FAM13C: variants seen among roughly 807,000 people sequenced by gnomAD.
FAM13C encodes protein FAM13C.
FAM13C carries 37 observed loss-of-function variants against 73.2 expected under a neutral mutation model. The observed-to-expected ratio is 0.51, with a 90% CI of 0.39 to 0.67. The LOEUF (loss-of-function observed/expected upper bound fraction) is 0.67, where lower values mean the gene tolerates loss of function less well. FAM13C is among the 30% of genes least tolerant of loss of function. The pLI is 0.00. For synonymous variants in FAM13C, 246 were observed against 260.9 expected (o/e 0.94, Z 0.55); for missense variants, 589 against 715.6 (o/e 0.82, Z 2.02).
chr10:59,338,566 C>T lies in FAM13C; in HGVS notation c.324+13704G>A, dbSNP rs994590556. Among the ~76,000 whole-genome samples the T allele has an allele frequency of 3.9e-5, 6 of 152,284 alleles. No homozygotes were observed. In the South Asian group the frequency reaches 6.2e-4, roughly 16 times the overall value. ...ATTTATGATTTTGAGAAAGTCAGGC[C>T]GTAAGATCATATGTTCTACCTGGTT... is the stretch of plus-strand genomic sequence containing the variant. On this transcript the variant is annotated intron_variant, in intron 3 of 13. Coordinates refer to ENST00000618804, the MANE Select transcript of FAM13C (RefSeq NM_198215.4).
At chr10:59,362,722 C>G (rs1378615647), upstream of FAM13C, 3 of 638,002 alleles carry the variant, frequency 4.7e-6, no homozygotes, top group Non-Finnish European at 7.6e-6. Flanking sequence ...CGGGATCCAG[C>G]GAGGAGCACC....
At chr10:59,259,711 A>T (rs922828965) in intron 10 of FAM13C, among the ~76,000 whole-genome samples, 2 of 152,194 alleles carry the variant, frequency 1.3e-5, no homozygotes, top group African/African-American at 4.8e-5. Flanking sequence ...AAACAAAATA[A>T]TAGATACTTC....
At position 59,312,489 on chromosome 10, in the gene FAM13C, A is replaced by G. The variant is rs73300158; in HGVS notation, c.444-9625T>C. On this transcript the variant is annotated intron_variant, in intron 4 of 13. Coordinates refer to ENST00000618804, the MANE Select transcript of FAM13C (RefSeq NM_198215.4). The stretch of plus-strand genomic sequence containing the variant: ...TGTACCCCTGAGTACAACACACTAC[A>G]GTATAGTGTACAACACACAGTACCC... 9.4e-3 allele frequency among the ~76,000 whole-genome samples: 1,434 copies of G among 152,272 alleles called. 24 individuals are homozygous for G. Among genetic ancestry groups the G allele is most frequent in the African/African-American group, 0.033 (1,379 of 41,554 alleles).
chr10:59,358,386 A>T (rs922660947), intron 1 of FAM13C, among the ~76,000 whole-genome samples: 7 of 152,192 alleles, frequency 4.6e-5, no homozygotes, highest in African/African-American at 1.4e-4. Flanking sequence ...TCATAAAAAA[A>T]AATGCTGCTT....
At chr10:59,345,181 C>T (rs1854135347) in intron 3 of FAM13C, among the ~76,000 whole-genome samples, 1 of 152,102 alleles carries the variant, frequency 6.6e-6, no homozygotes, top group African/African-American at 2.4e-5. Context: ...CAGTCCTTGC[C>T]ATCCTCCATT....
chr10:59,344,570 T>A (rs1854043686), intron 3 of FAM13C, among the ~76,000 whole-genome samples: 1 of 151,898 alleles, frequency 6.6e-6, no homozygotes, highest in East Asian at 1.9e-4. Flanking sequence ...GCTTGAGCCA[T>A]CACGCCCGGC....
Position 59,270,013 on chromosome 10 carries a change from G to C in FAM13C, c.689C>G (p.Thr230Ser), listed in dbSNP as rs1843524085. The C allele has an allele frequency of 6.2e-7, 1 of 1,613,876 alleles. No homozygotes were observed. Among genetic ancestry groups the C allele is most frequent in the Non-Finnish European group, 8.5e-7 (1 of 1,179,916 alleles). Residue 230 changes from threonine (T) to serine (S), a missense_variant, in exon 7 of 14, where the codon ACT becomes AGT. Transcript: ENST00000618804. ...CGACAGCAGTGGGTTATCACCATCA[G>C]TGATGTGATAGAGCAGCCTGCTGGT... ...VGTSRLLYHI[T>S]DGDNPLLSPR...
At chr10:59,341,968 T>C (rs1853577980) in intron 3 of FAM13C, among the ~76,000 whole-genome samples, 1 of 152,212 alleles carries the variant, frequency 6.6e-6, no homozygotes, top group Admixed American at 6.5e-5. Flanking sequence ...CACAGTGTTC[T>C]GGCTGACTGC....
At chr10:59,265,335 G>GGGAA (rs78422182) in intron 8 of FAM13C, among the ~76,000 whole-genome samples, 2 of 16,060 alleles carry the variant, frequency 1.2e-4, no homozygotes. Context: ...GGGGGGGGGG[G>GGGAA]AATCCTGGTT....
intron 5 of FAM13C, among the ~76,000 whole-genome samples, chr10:59,298,307 A>C (rs1847159528): frequency 6.6e-6 from 1 of 152,230 alleles, no homozygotes; most frequent in South Asian, 2.1e-4. Context: ...GACCTTACCT[A>C]TATGGCCTTG....
intron 4 of FAM13C, among the ~76,000 whole-genome samples, chr10:59,313,456 A>G (rs758032041): frequency 7.9e-5 from 12 of 152,154 alleles, no homozygotes; most frequent in Non-Finnish European, 1.6e-4. Context: ...CACTTTCTTG[A>G]TCCCCACTTT....
intron 4 of FAM13C, among the ~76,000 whole-genome samples, chr10:59,310,455 A>C (rs1372130400): frequency 6.6e-6 from 1 of 152,210 alleles, no homozygotes; most frequent in Non-Finnish European, 1.5e-5. Flanking sequence ...CAGTAAATAG[A>C]AAGTTCCTTT....
At chr10:59,312,731 A>T (rs1176533210) in intron 4 of FAM13C, among the ~76,000 whole-genome samples, 1 of 152,196 alleles carries the variant, frequency 6.6e-6, no homozygotes, top group African/African-American at 2.4e-5. Context: ...ACTTGACACA[A>T]GATGAACAGA....
chr10:59,256,129 A>G (rs1841925453), intron 10 of FAM13C, among the ~76,000 whole-genome samples: 1 of 152,112 alleles, frequency 6.6e-6, no homozygotes, highest in South Asian at 2.1e-4. Context: ...TTCTTATTAC[A>G]TCTTTCCATG....
chr10:59,271,386 T>C (rs1178747914), intron 6 of FAM13C, among the ~76,000 whole-genome samples: 1 of 152,228 alleles, frequency 6.6e-6, no homozygotes, highest in African/African-American at 2.4e-5. Context: ...GGTCCTCCTG[T>C]GTTTTCAGCT....
intron 10 of FAM13C, among the ~76,000 whole-genome samples, chr10:59,258,085 T>C (rs1228922013): frequency 6.6e-6 from 1 of 152,162 alleles, no homozygotes; most frequent in Non-Finnish European, 1.5e-5. Context: ...AAGAGAATGA[T>C]AAGCTCTCTA....
chr10:59,339,102 T>C (rs1176023094), intron 3 of FAM13C, among the ~76,000 whole-genome samples: 1 of 152,028 alleles, frequency 6.6e-6, no homozygotes, highest in East Asian at 1.9e-4. Context: ...CCCCCATCCT[T>C]ACATGGCCTT....
chr10:59,281,845 GA>G (rs1269833003), intron 6 of FAM13C, among the ~76,000 whole-genome samples: 5 of 152,180 alleles, frequency 3.3e-5, no homozygotes, highest in African/African-American at 1.2e-4. Flanking sequence ...CACTTTGTCA[GA>G]AACTTGTATA....
At chr10:59,289,965 G>A (rs187167456) in intron 5 of FAM13C, among the ~76,000 whole-genome samples, 64 of 152,228 alleles carry the variant, frequency 4.2e-4, no homozygotes, top group African/African-American at 1.5e-3. Flanking sequence ...GAATCTGCAG[G>A]AAAATTGAGT....
Sources: allele counts gnomAD v4.1 joint callset (sites outside exome capture counted in the v4.1 genomes callset), GRCh38; gene constraint gnomAD v4.1.1; transcripts MANE v1.5; gene names NCBI Gene and HGNC (gene_info 2026-07-23, HGNC 2026-07-21).